Variants in ZNF180 observed in about 807,000 individuals in gnomAD.
ZNF180 encodes the protein zinc finger protein 180.
ZNF180 carries 11 observed loss-of-function variants against 11.8 expected under a neutral mutation model. That is an observed-to-expected ratio of 0.93 (90% CI 0.59 to 1.55). The LOEUF is 1.55. Ranked by LOEUF, ZNF180 falls within the 40% of genes most tolerant of loss-of-function variation. The pLI, the probability that ZNF180 is intolerant of heterozygous loss-of-function variation, is 0.00. For missense variants in ZNF180, 773 were observed against 781.7 expected, an observed-to-expected ratio of 0.99 and a Z score of 0.13; for synonymous variants, 287 against 257.7, an observed-to-expected ratio of 1.11 and a Z score of -1.09.
At chr19:44,487,586 C>T (rs1970262509) in intron 2 of ZNF180, among the ~76,000 whole-genome samples, 1 of 152,132 alleles carries the variant, frequency 6.6e-6, no homozygotes, top group African/African-American at 2.4e-5. Flanking sequence ...CCACCCCAGT[C>T]CTGGAAAACT....
chr19:44,497,344 C>G lies in ZNF180; in HGVS notation c.-10G>C. 1 of 1,597,850 alleles carries G rather than the reference C, an allele frequency of 6.3e-7. No individual in the cohort carries two copies. Among genetic ancestry groups the G allele is most frequent in the Non-Finnish European group, 8.5e-7 (1 of 1,174,788 alleles). ...CATCCTGCTCTTCCATGCTCTCCTC[C>G]AGGCACAGCAGGGTGCTGAGGTCCT... is the stretch of plus-strand genomic sequence containing the variant. On this transcript the variant is annotated 5_prime_UTR_variant, in exon 2 of 5. Coordinates refer to ENST00000592529, the MANE Select transcript of ZNF180 (RefSeq NM_001278509.3).
At chr19:44,490,181 AGGG>A (rs1970415504) in intron 2 of ZNF180, among the ~76,000 whole-genome samples, 1 of 93,888 alleles carries the variant, frequency 1.1e-5, no homozygotes, top group East Asian at 3.2e-4. Flanking sequence ...GGAGGGAGGG[AGGG>A]AGGGAGGGAG....
chr19:44,493,675 G>C (rs1347245100), intron 2 of ZNF180, among the ~76,000 whole-genome samples: 4 of 152,144 alleles, frequency 2.6e-5, no homozygotes, highest in Admixed American at 6.5e-5. Context: ...AGAAGTGATG[G>C]TGTGTCACTT....
chr19:44,485,478 C>CCATTTTCCTCTTTATATTTACTT (rs1970206415), intron 2 of ZNF180, among the ~76,000 whole-genome samples: 6 of 151,924 alleles, frequency 3.9e-5, no homozygotes, highest in Non-Finnish European at 1.5e-5. Context: ...TTCTCTGGCT[C>CCATTTTCCTCTTTATATTTACTT]CCATTTTCCT....
In ZNF180 at chr19:44,485,924, C is replaced by T. The variant is rs372292787; in HGVS notation, c.52-1489G>A. 1.4e-4 allele frequency among the ~76,000 whole-genome samples: 21 copies of T among 152,092 alleles called. No homozygotes were observed. The South Asian group carries it at 3.3e-3, about 24-fold the overall frequency. ...CAATATTTTTAAAAGTGTAATGTAA[C>T]ATCCATTAAGTCTACTTGTAAGTAC... On this transcript the variant is annotated intron_variant, in intron 2 of 4. Coordinates refer to ENST00000592529, the MANE Select transcript of ZNF180 (RefSeq NM_001278509.3).
At chr19:44,488,523 C>T (rs1049243960) in intron 2 of ZNF180, among the ~76,000 whole-genome samples, 1 of 152,172 alleles carries the variant, frequency 6.6e-6, no homozygotes, top group Admixed American at 6.5e-5. Context: ...GCCTCGGCCT[C>T]CCAAGGTGCT....
In ZNF180 at chr19:44,477,758, C is replaced by A. The variant is rs1311679601; in HGVS notation, c.642G>T (p.Glu214Asp). Reference sequence around the variant, plus strand: ...CATTATTTTCATATAGTGTCTCATTCTCATTAATCTTCTGATGACTGTTTA... The same window carrying A: ...CATTATTTTCATATAGTGTCTCATTATCATTAATCTTCTGATGACTGTTTA... ...AAVNSHQKIN[E>D]NETLYENNEC... Residue 214 changes from glutamate (E) to aspartate (D), a missense_variant, in exon 5 of 5, where the codon GAG becomes GAT. Transcript: ENST00000592529. The A allele has an allele frequency of 6.2e-7, 1 of 1,613,796 alleles. No individual in the cohort carries two copies. The highest frequency in any genetic ancestry group is 8.5e-7 in the Non-Finnish European group (1 of 1,179,936).
intron 4 of ZNF180, 37 bp from the exon 5 acceptor site, chr19:44,478,183 A>G (rs969159313): frequency 8.7e-6 from 13 of 1,495,230 alleles, no homozygotes; most frequent in African/African-American, 1.4e-5. Flanking sequence ...TAGTCAAAAA[A>G]TATTAGAGAT....
chr19:44,493,491 C>T (rs993353320), intron 2 of ZNF180, among the ~76,000 whole-genome samples: 1 of 152,196 alleles, frequency 6.6e-6, no homozygotes, highest in Non-Finnish European at 1.5e-5. Context: ...AAATCAAGTA[C>T]TTGTTCATCT....
rs983814385 is a variant in ZNF180, at chr19:44,475,087, TGG to T, written c.*1313_*1314del. On this transcript the variant is annotated 3_prime_UTR_variant, in exon 5 of 5. Coordinates refer to ENST00000592529, the MANE Select transcript of ZNF180 (RefSeq NM_001278509.3). ...TTCAACTTTCAGCTTATTACCTTTC[TGG>T]GATCAGAGGCTTCAATATATGGTCA... 7.9e-5 allele frequency: 12 copies of T among 152,214 alleles called. No individual in the cohort carries two copies. Among genetic ancestry groups the T allele is most frequent in the African/African-American group, 2.7e-4 (11 of 41,450 alleles). 9.4% of individuals were successfully genotyped at this position (152,214 alleles called of 1,614,324 possible).
intron 2 of ZNF180, among the ~76,000 whole-genome samples, chr19:44,489,091 C>A (rs984667705): frequency 7.3e-6 from 1 of 136,166 alleles, no homozygotes; most frequent in African/African-American, 2.6e-5. Flanking sequence ...CCGCCCCGTC[C>A]GGGAGGGAGG....
chr19:44,482,509 A>G (rs939596297), intron 3 of ZNF180, among the ~76,000 whole-genome samples: 2 of 151,840 alleles, frequency 1.3e-5, no homozygotes, highest in African/African-American at 2.4e-5. Context: ...GTTACTCTGA[A>G]ACTCATGCCA....
At position 44,478,121 on chromosome 19, in the gene ZNF180, T is replaced by C; in HGVS notation, c.279A>G (p.Lys93=). The change falls in exon 5 of 5, where the codon AAA becomes AAG. Residue 93 remains lysine (K), a synonymous_variant. Coordinates refer to ENST00000592529, the MANE Select transcript of ZNF180 (RefSeq NM_001278509.3). Reference sequence around the variant, plus strand: ...AAATCCTCTGCTTTGAAGTTGAATCTTTTTTTCCAACTGCAGTTGCCAAGT... The same window carrying C: ...AAATCCTCTGCTTTGAAGTTGAATCCTTTTTTCCAACTGCAGTTGCCAAGT... The part of the protein sequence containing the change: ...SWDLATAVGK[K]DSTSKQRIFD... The C allele has an allele frequency of 6.4e-7, 1 of 1,573,378 alleles. No homozygotes were observed. The highest frequency in any genetic ancestry group is 8.6e-7 in the Non-Finnish European group (1 of 1,158,442).
At chr19:44,497,120 C>A (rs1043012566) in intron 2 of ZNF180, among the ~76,000 whole-genome samples, 164 bp downstream of exon 2, 4 of 152,164 alleles carry the variant, frequency 2.6e-5, no homozygotes, top group African/African-American at 9.7e-5. Context: ...GGTGAGGCAA[C>A]TAGCAGGGAG....
intron 1 of ZNF180, among the ~76,000 whole-genome samples, chr19:44,498,712 C>T (rs555488944): frequency 6.6e-6 from 1 of 152,148 alleles, no homozygotes; most frequent in Middle Eastern, 3.2e-3. Context: ...TGCTCCCCCC[C>T]ACACACCTGG....
In ZNF180 at chr19:44,479,383, A is replaced by G. The variant is rs1337188642; in HGVS notation, c.153T>C (p.Thr51=). The change falls in exon 4 of 5, where the codon ACT becomes ACC. Residue 51 remains threonine, a synonymous_variant. Transcript: ENST00000592529. ...CCTGTTCCTCCCGTGTGAAGTCCAC[A>G]GTCACAATTTTGAAGTTCACTCCTT... is the stretch of plus-strand genomic sequence containing the variant. The part of the protein sequence containing the change: ...SQEGVNFKIV[T]VDFTREEQGT... 3 of 1,613,884 alleles carry G rather than the reference A, an allele frequency of 1.9e-6. No individual in the cohort carries two copies. Among genetic ancestry groups the G allele is most frequent in the Non-Finnish European group, 2.5e-6 (3 of 1,179,920 alleles).
chr19:44,477,218 ACT>A lies in ZNF180; in HGVS notation c.1180_1181del (p.Ser394LeufsTer17). On this transcript the variant is annotated frameshift_variant, in exon 5 of 5. Transcript: ENST00000592529. LOFTEE classifies it low-confidence loss of function (END_TRUNC). ...TTCTTTGATGCACAACAAGGACATA[ACT>A]CTGGCTAAAGGATTTCCCACATTGA... is the stretch of plus-strand genomic sequence containing the variant. ...CNQCGKSFSQ[S>X]YVLVVHQRTH... The A allele has an allele frequency of 1.9e-6, 3 of 1,613,880 alleles. No individual in the cohort carries two copies. Among genetic ancestry groups the A allele is most frequent in the Non-Finnish European group, 2.5e-6 (3 of 1,179,958 alleles).
At chr19:44,496,672 C>CAAAAA (rs55678572) in intron 2 of ZNF180, 14 of 71,588 alleles carry the variant, frequency 2.0e-4, no homozygotes, top group African/African-American at 2.1e-4. Flanking sequence ...GACTCTGTCT[C>CAAAAA]AAAAAAAAAA....
chr19:44,488,082 C>T lies in ZNF180; in HGVS notation c.52-3647G>A, dbSNP rs1970281621. On this transcript the variant is annotated intron_variant, in intron 2 of 4. Coordinates refer to ENST00000592529, the MANE Select transcript of ZNF180 (RefSeq NM_001278509.3). Reference sequence around the variant, plus strand: ...TCGCCCTTGCCCTCTCCCTCTCCCTCTCCCCACGGTCTCCCTCTCCCTCTC... The same window carrying T: ...TCGCCCTTGCCCTCTCCCTCTCCCTTTCCCCACGGTCTCCCTCTCCCTCTC... Among the ~76,000 whole-genome samples, 150 of 62,120 alleles carry T rather than the reference C, an allele frequency of 2.4e-3. 3 individuals carry two copies. The highest frequency in any genetic ancestry group is 0.01 in the Middle Eastern group (1 of 98). The allele number at this position is 62,120 out of a possible 152,430, so 40.8% of individuals were successfully genotyped here.
Sources: allele counts gnomAD v4.1 joint callset (sites outside exome capture counted in the v4.1 genomes callset), GRCh38; gene constraint gnomAD v4.1.1; transcripts MANE v1.5; gene names NCBI Gene and HGNC (gene_info 2026-07-23, HGNC 2026-07-21).